The following MZT2B variants were observed in gnomAD, a reference collection of about 807,000 sequenced individuals.
The protein encoded by MZT2B is mitotic spindle organizing protein 2B.
A neutral mutation model predicts 12.1 loss-of-function variants in MZT2B; 11 were observed. The ratio of observed to expected loss-of-function variants is 0.91; its 90% CI spans 0.57 to 1.50. MZT2B has a LOEUF of 1.50. Among genes scored for constraint, MZT2B ranks in the 40% most tolerant of loss-of-function variants. MZT2B has a pLI of 0.00. For missense variants in MZT2B, 209 were observed against 227.7 expected, an observed-to-expected ratio of 0.92 and a Z score of 0.53; for synonymous variants, 85 against 109.5, an observed-to-expected ratio of 0.78 and a Z score of 1.40.
At chr2:130,182,513 G>C in intron 1 of MZT2B, 61 bp downstream of exon 1, 1 of 1,542,426 alleles carries the variant, frequency 6.5e-7, no homozygotes, top group Non-Finnish European at 8.7e-7. Flanking sequence ...TGCTTTCCGG[G>C]TACGCCCGGC....
the MZT2B span, chr2:130,198,611 G>T: frequency 1.3e-5 from 6 of 452,086 alleles, 1 homozygote; most frequent in Non-Finnish European, 2.3e-5. Flanking sequence ...AAGGCAGCGG[G>T]GTCATCAAAG....
At chr2:130,200,614 C>T in the MZT2B span, among the ~76,000 whole-genome samples, 3 of 151,762 alleles carry the variant, frequency 2.0e-5, no homozygotes, top group Admixed American at 6.6e-5. Context: ...GTGCTGTGAA[C>T]ACTTTTTCTT....
chr2:130,183,416 G>A, intron 2 of MZT2B: 1 of 384,290 alleles, frequency 2.6e-6, no homozygotes, highest in Non-Finnish European at 5.0e-6. Flanking sequence ...TGCGGGGTCT[G>A]AAGGGCCTCC....
At chr2:130,182,155 C>G, upstream of MZT2B, 1 of 1,262,148 alleles carries the variant, frequency 7.9e-7, no homozygotes, top group Non-Finnish European at 1.0e-6. Context: ...CGGCCCCGTC[C>G]CCGCGCTCCC....
At chr2:130,185,824 C>T (rs1190755620) in intron 2 of MZT2B, among the ~76,000 whole-genome samples, 2 of 152,056 alleles carry the variant, frequency 1.3e-5, no homozygotes, top group Non-Finnish European at 2.9e-5. Flanking sequence ...ACAGGAGTGG[C>T]CTGGAGTGCT....
chr2:130,188,872 T>C (rs1275408123), intron 2 of MZT2B, among the ~76,000 whole-genome samples: 1 of 151,852 alleles, frequency 6.6e-6, no homozygotes, highest in Non-Finnish European at 1.5e-5. Flanking sequence ...GAAACAGAAA[T>C]GACCTAATGG....
intron 2 of MZT2B, among the ~76,000 whole-genome samples, chr2:130,187,491 G>C (rs575912706): frequency 6.6e-6 from 1 of 152,202 alleles, no homozygotes. Context: ...CCCCTGCTGA[G>C]CCAGGCTGTT....
chr2:130,182,573 A>G, intron 1 of MZT2B, 54 bp from the exon 2 acceptor site: 8 of 1,564,538 alleles, frequency 5.1e-6, no homozygotes, highest in Non-Finnish European at 6.9e-6. Flanking sequence ...GTCTTCAGGG[A>G]GGTGGCCGCG....
rs746845252 is a variant in MZT2B, at chr2:130,182,329, C to G, written c.47C>G (p.Pro16Arg). 2.0e-6 allele frequency: 3 copies of G among 1,523,262 alleles called. No homozygotes were observed. Among genetic ancestry groups the G allele is most frequent in the Admixed American group, 2.0e-5 (1 of 50,006 alleles). The allele number at this position is 1,523,262 out of a possible 1,614,324, so 94.4% of individuals were successfully genotyped here. ...VGPGPGSAAP[P>R]GLEAARQKLA... Reference sequence around the variant, plus strand: ...CCTGGGCCGGGGTCGGCGGCGCCCCCGGGGCTGGAGGCGGCCCGGCAGAAG... The same window carrying G: ...CCTGGGCCGGGGTCGGCGGCGCCCCGGGGGCTGGAGGCGGCCCGGCAGAAG... The change falls in exon 1 of 3, where the codon CCG (proline) becomes CGG (arginine). Residue 16 changes from proline to arginine, a missense_variant. Coordinates refer to ENST00000281871, the MANE Select transcript of MZT2B (RefSeq NM_025029.5).
rs550743782 is a variant in MZT2B at position 130,190,004 on chromosome 2, T to G, written c.320-465T>G. On this transcript the variant is annotated intron_variant, in intron 2 of 2. Coordinates refer to ENST00000281871, the MANE Select transcript of MZT2B (RefSeq NM_025029.5). ...CAATTCCAGGACTTGGTGACTGCAG[T>G]ACTTCCTGCCTGTCACCATCTAGGG... is the stretch of plus-strand genomic sequence containing the variant. 5.9e-5 allele frequency among the ~76,000 whole-genome samples: 9 copies of G among 152,314 alleles called. No homozygotes were observed. The East Asian group carries it at 1.2e-3, about 20-fold the overall frequency.
chr2:130,203,048 C>CTTTT, the MZT2B span, among the ~76,000 whole-genome samples: 16 of 118,516 alleles, frequency 1.4e-4, no homozygotes, highest in Admixed American at 2.9e-4. Flanking sequence ...TTTCTTTTTT[C>CTTTT]TTTTTTTTTT....
chr2:130,202,009 A>G, the MZT2B span, among the ~76,000 whole-genome samples: 1 of 152,228 alleles, frequency 6.6e-6, no homozygotes, highest in African/African-American at 2.4e-5. Context: ...TTCTGATTAT[A>G]AAAGTAACAC....
At position 130,185,511 on chromosome 2, in the gene MZT2B, A is replaced by G. The variant is rs375734154; in HGVS notation, c.319+2736A>G. 2.8e-4 allele frequency among the ~76,000 whole-genome samples: 33 copies of G among 116,958 alleles called. 2 individuals carry two copies. Among genetic ancestry groups the G allele is most frequent in the African/African-American group, 9.7e-4 (33 of 34,142 alleles). 76.7% of individuals were successfully genotyped at this position (116,958 alleles called of 152,430 possible). A position where few individuals can be genotyped will look rare whatever the true frequency, so the allele number is the denominator to read the frequency against. On this transcript the variant is annotated intron_variant, in intron 2 of 2. Transcript: ENST00000281871. ...AAAAAAAAAAGAAAAACCGCTAGCA[A>G]TGGAGATGGGAGGAGGCTTCAGAGC...
At position 130,182,661 on chromosome 2, in the gene MZT2B, C is replaced by A. The variant is rs1176009167; in HGVS notation, c.205C>A (p.Pro69Thr). The A allele has an allele frequency of 6.4e-7, 1 of 1,552,686 alleles. No individual in the cohort carries two copies. Among genetic ancestry groups the A allele is most frequent in the Admixed American group, 1.9e-5 (1 of 51,848 alleles). ...LVDLLKLNVAPLAVFQMLKSM... is the reference protein window; with the variant it reads ...LVDLLKLNVATLAVFQMLKSM... Reference sequence around the variant, plus strand: ...GGACCTGCTGAAGCTGAACGTGGCCCCCCTCGCCGTCTTCCAGATGCTCAA... The same window carrying A: ...GGACCTGCTGAAGCTGAACGTGGCCACCCTCGCCGTCTTCCAGATGCTCAA... Residue 69 changes from proline to threonine, a missense_variant, in exon 2 of 3, where the codon CCC becomes ACC. Coordinates refer to ENST00000281871, the MANE Select transcript of MZT2B (RefSeq NM_025029.5).
chr2:130,190,852 C>T (rs1690241533), downstream of MZT2B: 7 of 991,222 alleles, frequency 7.1e-6, no homozygotes, highest in South Asian at 2.8e-4. Context: ...CATGGGTCAA[C>T]TTCCTGAACC....
chr2:130,194,257 C>G, downstream of MZT2B: 1 of 1,607,300 alleles, frequency 6.2e-7, no homozygotes, highest in Non-Finnish European at 8.5e-7. Context: ...CAGAATGTTC[C>G]AGGGTCGTGT....
At chr2:130,190,443 A>G in intron 2 of MZT2B, 26 bp from the exon 3 acceptor site, 2 of 1,610,394 alleles carry the variant, frequency 1.2e-6, no homozygotes, top group Non-Finnish European at 1.7e-6. Context: ...GCCCATTCCT[A>G]ATCATTGTGC....
chr2:130,182,879 C>G (rs920218367), intron 2 of MZT2B, 104 bp downstream of exon 2: 62 of 1,473,538 alleles, frequency 4.2e-5, no homozygotes, highest in Admixed American at 1.6e-4. Context: ...CCAGGCCTGT[C>G]TGTCGGTCTA....
chr2:130,188,813 A>C (rs933274675), intron 2 of MZT2B, among the ~76,000 whole-genome samples: 2 of 152,062 alleles, frequency 1.3e-5, no homozygotes, highest in African/African-American at 2.4e-5. Flanking sequence ...GCGGGGGTCC[A>C]CGGCATCTCA....
Sources: gnomAD v4.1 joint callset for allele counts (sites outside exome capture counted in the v4.1 genomes callset) on GRCh38, gnomAD v4.1.1 for gene constraint, MANE v1.5 for transcripts, NCBI Gene and HGNC (gene_info 2026-07-23, HGNC 2026-07-21) for gene names.